FAM185A: variants seen among roughly 807,000 people sequenced by gnomAD.
FAM185A encodes family with sequence similarity 185 member A.
A neutral mutation model predicts 45.7 loss-of-function variants in FAM185A; 21 were observed. The observed-to-expected ratio is 0.46, with a 90% confidence interval of 0.33 to 0.66. The LOEUF is 0.66. FAM185A is among the 30% of genes least tolerant of loss of function. FAM185A has a pLI of 0.03. For missense variants in FAM185A, 305 were observed against 485.4 expected, an observed-to-expected ratio of 0.63 and a Z score of 3.49; for synonymous variants, 117 against 194.0, an observed-to-expected ratio of 0.60 and a Z score of 3.30.
the FAM185A span, chr7:102,832,742 A>G: frequency 1.5e-6 from 2 of 1,358,068 alleles, no homozygotes; most frequent in South Asian, 2.1e-5. Flanking sequence ...AACCATGGCA[A>G]AGAGAACATA....
At chr7:102,790,488 G>T (rs907780168) in intron 7 of FAM185A, among the ~76,000 whole-genome samples, 3 of 152,112 alleles carry the variant, frequency 2.0e-5, no homozygotes, top group African/African-American at 7.2e-5. Flanking sequence ...CCTATTTTTG[G>T]TCCCAATAAT....
chr7:102,833,109 T>G, the FAM185A span: 8 of 897,070 alleles, frequency 8.9e-6, no homozygotes, highest in South Asian at 1.5e-4. Flanking sequence ...AAAAAATAAT[T>G]TAAAAAACCC....
At chr7:102,829,289 T>C in the FAM185A span, among the ~76,000 whole-genome samples, 1 of 152,206 alleles carries the variant, frequency 6.6e-6, no homozygotes. Flanking sequence ...ATGAAGCTTT[T>C]TGCATATGAA....
intron 4 of FAM185A, 96 bp downstream of exon 4, chr7:102,761,507 C>A: frequency 5.0e-6 from 5 of 1,000,794 alleles, no homozygotes; most frequent in South Asian, 3.3e-5. Flanking sequence ...GGAAACTGGC[C>A]TTTTAAATAA....
intron 2 of FAM185A, among the ~76,000 whole-genome samples, chr7:102,754,529 T>C (rs1223772576): frequency 1.3e-5 from 2 of 152,278 alleles, no homozygotes; most frequent in African/African-American, 2.4e-5. Flanking sequence ...TGTTAATAAG[T>C]CCTTATTATG....
chr7:102,772,386 A>G, intron 4 of FAM185A, 23 bp from the exon 5 acceptor site: 1 of 1,502,236 alleles, frequency 6.7e-7, no homozygotes, highest in Non-Finnish European at 9.0e-7. Flanking sequence ...TAGTACATAA[A>G]AGTATCTTTT....
chr7:102,824,229 G>A, the FAM185A span, among the ~76,000 whole-genome samples: 1 of 152,150 alleles, frequency 6.6e-6, no homozygotes, highest in African/African-American at 2.4e-5. Flanking sequence ...GCCTCATTGG[G>A]CAGATTATGT....
intron 7 of FAM185A, among the ~76,000 whole-genome samples, chr7:102,791,817 G>C (rs1796159911): frequency 6.6e-6 from 1 of 151,574 alleles, no homozygotes; most frequent in Non-Finnish European, 1.5e-5. Flanking sequence ...ATTTCATTTT[G>C]GTTTTAAAAC....
At chr7:102,845,409 G>A in the FAM185A span, among the ~76,000 whole-genome samples, 1 of 152,132 alleles carries the variant, frequency 6.6e-6, no homozygotes, top group Admixed American at 6.6e-5. Context: ...CAGGACTGTG[G>A]ATAAAGACCA....
At chr7:102,755,999 A>C (rs1793702404) in intron 2 of FAM185A, 1 of 415,794 alleles carries the variant, frequency 2.4e-6, no homozygotes, top group South Asian at 3.5e-5. Flanking sequence ...AAATAAAAAA[A>C]AGTGCTTTGT....
intron 7 of FAM185A, among the ~76,000 whole-genome samples, chr7:102,788,584 T>C (rs1030203114): frequency 2.6e-5 from 4 of 152,206 alleles, no homozygotes; most frequent in African/African-American, 9.7e-5. Context: ...CTCCCAGATA[T>C]AACTGCATGC....
the FAM185A span, among the ~76,000 whole-genome samples, chr7:102,839,601 C>T: frequency 2.0e-5 from 3 of 152,088 alleles, no homozygotes; most frequent in Non-Finnish European, 2.9e-5. Context: ...GTGTCTGCCA[C>T]CACGCCCAGC....
rs535221121 is a variant in FAM185A at position 102,749,610 on chromosome 7, A to G, written c.403A>G (p.Thr135Ala). The stretch of plus-strand genomic sequence containing the variant: ...GGAGGAGATGGCCATTGTGTCTGAT[A>G]CTATCCACCCCCAGGCGTCCGTGGA... ...DLEEMAIVSD[T>A]IHPQASVEVN... is the part of the protein sequence containing the mutation. The change falls in exon 1 of 8, where the codon ACT (threonine) becomes GCT (alanine). Residue 135 changes from threonine (T) to alanine (A), a missense_variant. By Grantham distance (58) the Thr-to-Ala change is moderately conservative. Coordinates refer to ENST00000413034, the MANE Select transcript of FAM185A (RefSeq NM_001145268.2). 5.9e-4 allele frequency: 901 copies of G among 1,517,400 alleles called. 1 individual carries two copies. Among genetic ancestry groups the G allele is most frequent in the Non-Finnish European group, 7.7e-4 (870 of 1,130,996 alleles). 94.0% of individuals were successfully genotyped at this position (1,517,400 alleles called of 1,614,324 possible).
Position 102,755,888 on chromosome 7 carries a change from T to G in FAM185A, c.562-1966T>G, listed in dbSNP as rs2129432605. The G allele has an allele frequency of 4.3e-6, 3 of 699,560 alleles. No homozygotes were observed. The South Asian group carries it at 4.6e-5, about 11-fold the overall frequency. 43.3% of individuals were successfully genotyped at this position (699,560 alleles called of 1,614,324 possible). The stretch of plus-strand genomic sequence containing the variant: ...TGGGTCCCAAGTCTGTGGCTCACAT[T>G]GCCAAGCTCGAAAAGGCAAAGGCTA... On this transcript the variant is annotated intron_variant, in intron 2 of 7. Coordinates refer to ENST00000413034, the MANE Select transcript of FAM185A (RefSeq NM_001145268.2).
intron 4 of FAM185A, among the ~76,000 whole-genome samples, chr7:102,769,296 CTATAAT>C (rs1312517023): frequency 6.6e-6 from 1 of 151,436 alleles, no homozygotes; most frequent in Admixed American, 6.6e-5. Flanking sequence ...ATAGGTCCCA[CTATAAT>C]TAACTAATCC....
downstream of FAM185A, among the ~76,000 whole-genome samples, chr7:102,812,236 C>T (rs1261007005): frequency 2.0e-5 from 3 of 152,242 alleles, no homozygotes; most frequent in Non-Finnish European, 2.9e-5. Context: ...GTGCTCACTT[C>T]GGCAGCACAT....
chr7:102,776,702 T>TAAAAAAAAAA (rs72022042), intron 5 of FAM185A, among the ~76,000 whole-genome samples: 2 of 97,088 alleles, frequency 2.1e-5, no homozygotes, highest in East Asian at 2.9e-4. Context: ...ACCCTGTCTC[T>TAAAAAAAAAA]AAAAAAAAAA....
At chr7:102,799,844 G>A (rs1796670437) in intron 7 of FAM185A, among the ~76,000 whole-genome samples, 1 of 152,114 alleles carries the variant, frequency 6.6e-6, no homozygotes, top group Non-Finnish European at 1.5e-5. Flanking sequence ...AGAGCCCAGT[G>A]GCCGGGAGTG....
intron 7 of FAM185A, among the ~76,000 whole-genome samples, chr7:102,803,833 G>C (rs933461842): frequency 3.9e-5 from 6 of 152,132 alleles, no homozygotes; most frequent in Non-Finnish European, 7.4e-5. Flanking sequence ...ATTCAACAAA[G>C]TTTCCAGATA....
Sources: allele counts gnomAD v4.1 joint callset (sites outside exome capture counted in the v4.1 genomes callset), GRCh38; gene constraint gnomAD v4.1.1; transcripts MANE v1.5; gene names NCBI Gene and HGNC (gene_info 2026-07-23, HGNC 2026-07-21).